The following ADSS1 variants were observed in gnomAD, a reference collection of about 807,000 sequenced individuals.
ADSS1 encodes the protein adenylosuccinate synthetase isozyme 1.
Under a neutral mutation model 59.1 loss-of-function variants are expected in ADSS1, and 57 were observed. That is an observed-to-expected ratio of 0.97 (90% CI 0.78 to 1.20). The LOEUF (loss-of-function observed/expected upper bound fraction) is 1.20. ADSS1 is among the 50% of genes most tolerant of loss of function. The pLI, the probability that ADSS1 is intolerant of heterozygous loss-of-function variation, is 0.00. For synonymous variants in ADSS1, 247 were observed against 249.4 expected (o/e 0.99, Z 0.09); for missense variants, 603 against 610.3 (o/e 0.99, Z 0.13).
intron 11 of ADSS1, 92 bp from the exon 12 acceptor site, chr14:104,746,144 C>A: frequency 6.7e-7 from 1 of 1,494,920 alleles, no homozygotes; most frequent in Admixed American, 2.1e-5. Context: ...GGCAAGGAGG[C>A]CCTGGATGGG....
intron 9 of ADSS1, 104 bp from the exon 10 acceptor site, chr14:104,742,963 C>T (rs768980472): frequency 3.2e-5 from 49 of 1,543,880 alleles, no homozygotes; most frequent in Non-Finnish European, 4.0e-5. Context: ...GGGGCACCCT[C>T]AGGGATTCTG....
At chr14:104,733,300 C>T (rs76665801) in intron 1 of ADSS1, among the ~76,000 whole-genome samples, 6,975 of 152,248 alleles carry the variant, frequency 0.046, 533 homozygotes, top group African/African-American at 0.16. Context: ...GAAGTCAGGG[C>T]GTGGAGGTGG....
chr14:104,741,055 G>A, intron 7 of ADSS1, 62 bp from the exon 8 acceptor site: 2 of 1,584,878 alleles, frequency 1.3e-6, no homozygotes, highest in Non-Finnish European at 1.7e-6. Context: ...AACCTTCTTG[G>A]GACGCAGGCC....
chr14:104,741,804 A>G (rs780914437), intron 8 of ADSS1, 44 bp from the exon 9 acceptor site: 7 of 1,606,910 alleles, frequency 4.4e-6, no homozygotes, highest in South Asian at 2.2e-5. Flanking sequence ...GGAATAATCT[A>G]CAGGGGGTGA....
At chr14:104,730,599 C>T (rs571440052) in intron 1 of ADSS1, among the ~76,000 whole-genome samples, 1 of 152,110 alleles carries the variant, frequency 6.6e-6, no homozygotes, top group Non-Finnish European at 1.5e-5. Flanking sequence ...GAGATATTTA[C>T]TTATAAATAT....
intron 10 of ADSS1, chr14:104,744,475 T>G: frequency 4.4e-6 from 1 of 224,772 alleles, no homozygotes; most frequent in East Asian, 9.9e-5. Flanking sequence ...GGCGGATGGT[T>G]TCGGGATGAA....
rs764383834 is a variant in ADSS1 at position 104,744,883 on chromosome 14, A to AT, written c.1145_1146insT (p.Gly383ArgfsTer10). 3 of 1,614,030 alleles carry AT rather than the reference A, an allele frequency of 1.9e-6. No individual in the cohort carries two copies. Among genetic ancestry groups the AT allele is most frequent in the African/African-American group, 2.7e-5 (2 of 74,942 alleles). On this transcript the variant is annotated frameshift_variant, in exon 11 of 13. Transcript: ENST00000330877. LOFTEE classifies it high-confidence loss of function. ...AAAGTCGGTGTCTCATACAAGCTGA[A>AT]CGGGAAAAGGATTCCCTATTTCCCA... is the stretch of plus-strand genomic sequence containing the variant.
chr14:104,744,738 T>C, intron 10 of ADSS1, 74 bp from the exon 11 acceptor site: 1 of 1,459,152 alleles, frequency 6.9e-7, no homozygotes, highest in Non-Finnish European at 9.6e-7. Context: ...AAGCGAGAGG[T>C]CAAAAGCAAG....
intron 1 of ADSS1, among the ~76,000 whole-genome samples, chr14:104,733,425 C>T (rs1225812552): frequency 6.6e-6 from 1 of 152,218 alleles, no homozygotes; most frequent in Non-Finnish European, 1.5e-5. Flanking sequence ...GATCTGCCCC[C>T]CCTCTGTCCC....
In ADSS1 at chr14:104,739,802, A is replaced by T. The variant is rs763230248; in HGVS notation, c.462A>T (p.Ala154=). Reference sequence around the variant, plus strand: ...GACTTCAGGAAGTGCAGCGCCAGGCACAAGAGGGGAAGAAGTAAGTCTGCC... The same window carrying T: ...GACTTCAGGAAGTGCAGCGCCAGGCTCAAGAGGGGAAGAAGTAAGTCTGCC... The part of the protein sequence containing the change: ...VDGLQEVQRQ[A]QEGKNIGTTK... Residue 154 remains alanine, a synonymous_variant, in exon 5 of 13, where the codon GCA becomes GCT. Transcript: ENST00000330877. 6.2e-7 allele frequency: 1 copy of T among 1,613,834 alleles called. No homozygotes were observed.
chr14:104,728,052 G>A (rs1890770000), intron 1 of ADSS1, among the ~76,000 whole-genome samples: 1 of 152,242 alleles, frequency 6.6e-6, no homozygotes. Context: ...GTATGCAGGG[G>A]TGTGAGATCA....
chr14:104,725,710 G>A (rs910209869), intron 1 of ADSS1, among the ~76,000 whole-genome samples: 1 of 152,168 alleles, frequency 6.6e-6, no homozygotes, highest in Middle Eastern at 3.2e-3. Flanking sequence ...CCGCCACCTT[G>A]TCCTGGGCCG....
chr14:104,727,770 CTCCT>C (rs1172073593), intron 1 of ADSS1, among the ~76,000 whole-genome samples: 3 of 152,194 alleles, frequency 2.0e-5, no homozygotes, highest in African/African-American at 2.4e-5. Flanking sequence ...CCCCTAGTTC[CTCCT>C]TCCATCTCCA....
At chr14:104,741,604 C>T (rs1448646506) in intron 8 of ADSS1, among the ~76,000 whole-genome samples, 1 of 152,178 alleles carries the variant, frequency 6.6e-6, no homozygotes, top group South Asian at 2.1e-4. Flanking sequence ...GGCCTGGTCA[C>T]CTCAGGCCAT....
At chr14:104,736,881 G>GATATATATATATATATATAT (rs57122419) in intron 2 of ADSS1, among the ~76,000 whole-genome samples, 48 of 106,530 alleles carry the variant, frequency 4.5e-4, no homozygotes, top group African/African-American at 7.1e-4. Context: ...GCACCTAGCT[G>GATATATATATATATATATAT]ATATATATAT....
At chr14:104,733,013 G>A (rs1890987397) in intron 1 of ADSS1, among the ~76,000 whole-genome samples, 1 of 152,114 alleles carries the variant, frequency 6.6e-6, no homozygotes, top group African/African-American at 2.4e-5. Flanking sequence ...GGCTGACTCA[G>A]CGTCTGCTGA....
chr14:104,734,659 G>A (rs1426811078), intron 1 of ADSS1, among the ~76,000 whole-genome samples: 5 of 152,324 alleles, frequency 3.3e-5, no homozygotes, highest in African/African-American at 4.8e-5. Flanking sequence ...GGCCGTGGGG[G>A]TGCTGAATTC....
intron 3 of ADSS1, 136 bp from the exon 4 acceptor site, chr14:104,739,192 A>T: frequency 1.2e-6 from 1 of 836,130 alleles, no homozygotes; most frequent in Non-Finnish European, 1.9e-6. Context: ...TGCGCAACAG[A>T]GGTGGCCCTG....
intron 1 of ADSS1, among the ~76,000 whole-genome samples, 186 bp downstream of exon 1, chr14:104,724,648 C>A (rs1190611025): frequency 6.6e-6 from 1 of 152,036 alleles, no homozygotes; most frequent in Non-Finnish European, 1.5e-5. Flanking sequence ...CAACCCCCGA[C>A]CCACACACAC....
Sources: allele counts gnomAD v4.1 joint callset (sites outside exome capture counted in the v4.1 genomes callset), GRCh38; gene constraint gnomAD v4.1.1; transcripts MANE v1.5; gene names NCBI Gene and HGNC (gene_info 2026-07-23, HGNC 2026-07-21).